C1orf116: variants seen among roughly 807,000 people sequenced by gnomAD.
C1orf116 encodes specifically androgen-regulated gene protein.
Under a neutral mutation model 14.1 loss-of-function variants are expected in C1orf116, and 12 were observed. The observed-to-expected ratio is 0.85, with a 90% CI of 0.54 to 1.38. C1orf116 has a LOEUF of 1.38. Ranked by LOEUF, C1orf116 falls within the 40% of genes most tolerant of loss-of-function variation. The pLI, the probability that C1orf116 is intolerant of heterozygous loss-of-function variation, is 0.00. For missense variants in C1orf116, 797 were observed against 747.0 expected (o/e 1.07, Z -0.78); for synonymous variants, 296 against 299.0 (o/e 0.99, Z 0.10).
intron 1 of C1orf116, among the ~76,000 whole-genome samples, chr1:207,028,331 TTAA>T (rs1353641306): frequency 6.6e-6 from 1 of 152,184 alleles, no homozygotes; most frequent in African/African-American, 2.4e-5. Flanking sequence ...AACAGGTCCC[TTAA>T]TAATACCTAC....
chr1:207,024,435 C>T (rs1558044722), intron 3 of C1orf116, among the ~76,000 whole-genome samples: 1 of 152,196 alleles, frequency 6.6e-6, no homozygotes, highest in Non-Finnish European at 1.5e-5. Flanking sequence ...CGCTCTCTAA[C>T]GAGGGCCTTG....
chr1:207,024,978 C>T lies in C1orf116; in HGVS notation c.192G>A (p.Glu64=). 2 of 1,613,906 alleles carry T rather than the reference C, an allele frequency of 1.2e-6. No individual in the cohort carries two copies. The highest frequency in any genetic ancestry group is 1.7e-6 in the Non-Finnish European group (2 of 1,179,976). ...CGTCAGTGGACAGTCCGCTGTCAGC[C>T]TCCGTGTCCAGTGAGCCAATGGTCT... The part of the protein sequence containing the change: ...LEETIGSLDT[E]ADSGLSTDES... Residue 64 remains glutamate, a synonymous_variant, in exon 3 of 4, where the codon GAG becomes GAA. Coordinates refer to ENST00000359470, the MANE Select transcript of C1orf116 (RefSeq NM_023938.6).
At position 207,025,011 on chromosome 1, in the gene C1orf116, G is replaced by C; in HGVS notation, c.159C>G (p.Phe53Leu). ...LSTEEKECLL[F>L]LEETIGSLDT... is the part of the protein sequence containing the mutation. ...CCAGTGAGCCAATGGTCTCCTCCAG[G>C]AAGAGCAGACACTCCTTCTCTTCAG... Residue 53 changes from phenylalanine to leucine, a missense_variant, in exon 3 of 4, where the codon TTC becomes TTG. Coordinates refer to ENST00000359470, the MANE Select transcript of C1orf116 (RefSeq NM_023938.6). 2 of 1,532,326 alleles carry C rather than the reference G, an allele frequency of 1.3e-6. No homozygotes were observed. Among genetic ancestry groups the C allele is most frequent in the Non-Finnish European group, 1.8e-6 (2 of 1,130,820 alleles). The allele number at this position is 1,532,326 out of a possible 1,614,324, so 94.9% of individuals were successfully genotyped here. A position where few individuals can be genotyped will look rare whatever the true frequency, so the allele number is the denominator to read the frequency against.
In C1orf116 at chr1:207,025,057, C is replaced by T; in HGVS notation, c.113G>A (p.Ser38Asn). The T allele has an allele frequency of 1.6e-6, 2 of 1,283,800 alleles. No individual in the cohort carries two copies. Among genetic ancestry groups the T allele is most frequent in the Non-Finnish European group, 2.1e-6 (2 of 956,284 alleles). The allele number at this position is 1,283,800 out of a possible 1,614,324, so 79.5% of individuals were successfully genotyped here. A position where few individuals can be genotyped will look rare whatever the true frequency, so the allele number is the denominator to read the frequency against. Residue 38 changes from serine to asparagine, a missense_variant, in exon 3 of 4, where the codon AGC becomes AAC. Physicochemically the swap from Ser to Asn is conservative, Grantham distance 46. Transcript: ENST00000359470. ...TTCAGTGGACAGGAAGTCGTAGCTG[C>T]TATCACTCTGTTGGGTTTGGGGTTG... ...STSTRSGSSD[S>N]SYDFLSTEEK...
In C1orf116 at chr1:207,023,295, T is replaced by A. The variant is rs774285455; in HGVS notation, c.469A>T (p.Asn157Tyr). 5 of 1,614,174 alleles carry A rather than the reference T, an allele frequency of 3.1e-6. No homozygotes were observed. The highest frequency in any genetic ancestry group is 1.6e-4 in the Middle Eastern group (1 of 6,062). The change falls in exon 4 of 4, where the codon AAC becomes TAC. Residue 157 changes from asparagine (N) to tyrosine (Y), a missense_variant. By Grantham distance (143) the Asn-to-Tyr change is moderately radical (BLOSUM62 -2). Coordinates refer to ENST00000359470, the MANE Select transcript of C1orf116 (RefSeq NM_023938.6). ...GCAAGCCTCCCCGGTTCTCCAGGGTTGTGACTGCTAGCCTGGGTGGTGCTT... is the reference window on the plus strand; with the variant it reads ...GCAAGCCTCCCCGGTTCTCCAGGGTAGTGACTGCTAGCCTGGGTGGTGCTT... ...RKSTTQASSHNPGEPGRLAPE... is the reference protein window; with the variant it reads ...RKSTTQASSHYPGEPGRLAPE...
In C1orf116 at chr1:207,021,993, C is replaced by A; in HGVS notation, c.1771G>T (p.Glu591Ter). The change falls in exon 4 of 4, where the codon GAG (glutamate) becomes TAG (stop). Residue 591 changes from glutamate (E) to a stop codon, truncating the protein, a stop_gained. Coordinates refer to ENST00000359470, the MANE Select transcript of C1orf116 (RefSeq NM_023938.6). LOFTEE classifies it high-confidence loss of function. ...AACAGTCCCAGCTTCTTCAGGGCCT[C>A]CCTTCTGTGTTCATTGGGGACACCC... ...PKGVPNEHRR[E>*]ALKKLGLLKE is the part of the protein sequence containing the mutation. 6.5e-7 allele frequency: 1 copy of A among 1,542,940 alleles called. No individual in the cohort carries two copies. The highest frequency in any genetic ancestry group is 2.0e-5 in the Admixed American group (1 of 48,832).
At position 207,022,887 on chromosome 1, in the gene C1orf116, G is replaced by C. The variant is rs1446659422; in HGVS notation, c.877C>G (p.Leu293Val). The C allele has an allele frequency of 1.9e-6, 3 of 1,614,100 alleles. No individual in the cohort carries two copies. Among genetic ancestry groups the C allele is most frequent in the Non-Finnish European group, 2.5e-6 (3 of 1,179,986 alleles). Residue 293 changes from leucine to valine, a missense_variant, in exon 4 of 4, where the codon CTC becomes GTC. Physicochemically the swap from Leu to Val is conservative, Grantham distance 32. Transcript: ENST00000359470. ...GEDPNSRLAP[L>V]TTPKPRKLPP... Reference sequence around the variant, plus strand: ...AGCTTCCGGGGCTTAGGGGTTGTGAGGGGAGCTAGTCGGCTGTTTGGGTCC... The same window carrying C: ...AGCTTCCGGGGCTTAGGGGTTGTGACGGGAGCTAGTCGGCTGTTTGGGTCC...
chr1:207,026,559 T>C (rs1682079078), intron 2 of C1orf116, among the ~76,000 whole-genome samples: 1 of 152,262 alleles, frequency 6.6e-6, no homozygotes, highest in Non-Finnish European at 1.5e-5. Flanking sequence ...GATTTGTGCA[T>C]GTGTGTTTCT....
intron 2 of C1orf116, among the ~76,000 whole-genome samples, chr1:207,025,834 G>A (rs1289117084): frequency 6.6e-6 from 1 of 152,232 alleles, no homozygotes; most frequent in Admixed American, 6.5e-5. Flanking sequence ...GATGGTATGG[G>A]AGGAGGGAAA....
At position 207,020,279 on chromosome 1, in the gene C1orf116, G is replaced by A. The variant is rs1009655079; in HGVS notation, c.*1679C>T. ...CACCCACACCTCACATACCATGACA[G>A]GGTGGAGTATTTGTTGTCCTTATGT... is the stretch of plus-strand genomic sequence containing the variant. On this transcript the variant is annotated 3_prime_UTR_variant, in exon 4 of 4. Coordinates refer to ENST00000359470, the MANE Select transcript of C1orf116 (RefSeq NM_023938.6). 1 of 152,208 alleles carries A rather than the reference G, an allele frequency of 6.6e-6. No individual in the cohort carries two copies. Among genetic ancestry groups the A allele is most frequent in the Admixed American group, 6.5e-5 (1 of 15,278 alleles). 9.4% of individuals were successfully genotyped at this position (152,208 alleles called of 1,614,324 possible). A position where few individuals can be genotyped will look rare whatever the true frequency, so the allele number is the denominator to read the frequency against.
At chr1:207,027,752 T>C in intron 1 of C1orf116, 73 bp from the exon 2 acceptor site, 2 of 1,425,226 alleles carry the variant, frequency 1.4e-6, no homozygotes, top group South Asian at 2.9e-5. Flanking sequence ...CTGGGCGGCA[T>C]GGCGGGAAGG....
chr1:207,023,520 AAGAGTGGAC>A, intron 3 of C1orf116, 40 bp from the exon 4 acceptor site: 1 of 1,549,114 alleles, frequency 6.5e-7, no homozygotes, highest in East Asian at 2.3e-5. Flanking sequence ...TGGACAGAAA[AAGAGTGGAC>A]AGAGGTGAGG....
At chr1:207,031,504 G>A (rs535543587) in intron 1 of C1orf116, among the ~76,000 whole-genome samples, 9 of 152,238 alleles carry the variant, frequency 5.9e-5, no homozygotes, top group South Asian at 2.1e-4. Flanking sequence ...TCAGGGCTGC[G>A]TGTGCCAGGC....
rs1352205130 is a variant in C1orf116, at chr1:207,021,942, G to A, written c.*16C>T. 2 of 1,517,312 alleles carry A rather than the reference G, an allele frequency of 1.3e-6. No homozygotes were observed. The highest frequency in any genetic ancestry group is 4.5e-5 in the East Asian group (2 of 44,044). The allele number at this position is 1,517,312 out of a possible 1,614,324, so 94.0% of individuals were successfully genotyped here. On this transcript the variant is annotated 3_prime_UTR_variant, in exon 4 of 4. Transcript: ENST00000359470. ...TTCTTGTTCAGCCAGGACAGGGTCT[G>A]TACTGGTCGCAGAGTCTACTCCTTC...
Position 207,027,515 on chromosome 1 carries a change from G to T in C1orf116, c.84C>A (p.Ser28Arg). The change falls in exon 2 of 4, where the codon AGC (serine) becomes AGA (arginine). Residue 28 changes from serine to arginine, a missense_variant. Physicochemically the swap from Ser to Arg is moderately radical, Grantham distance 110. Transcript: ENST00000359470. ...GTACAGATCCAGAGCGGGTGGAGGT[G>T]CTGCTCATCATGCTGTCACAGCTGC... ...RVGSCDSMMS[S>R]TSTRSGSSDS... The T allele has an allele frequency of 6.2e-7, 1 of 1,613,914 alleles. No individual in the cohort carries two copies.
chr1:207,021,989 G>A lies in C1orf116; in HGVS notation c.1775C>T (p.Ala592Val), dbSNP rs747346190. The change falls in exon 4 of 4, where the codon GCC becomes GTC. Residue 592 changes from alanine to valine, a missense_variant. Coordinates refer to ENST00000359470, the MANE Select transcript of C1orf116 (RefSeq NM_023938.6). ...KGVPNEHRRE[A>V]LKKLGLLKE ...CTTCAACAGTCCCAGCTTCTTCAGG[G>A]CCTCCCTTCTGTGTTCATTGGGGAC... The A allele has an allele frequency of 6.5e-7, 1 of 1,538,378 alleles. No individual in the cohort carries two copies. Among genetic ancestry groups the A allele is most frequent in the Non-Finnish European group, 8.7e-7 (1 of 1,146,016 alleles).
intron 1 of C1orf116, among the ~76,000 whole-genome samples, chr1:207,030,705 G>A (rs1682218163): frequency 6.6e-6 from 1 of 152,110 alleles, no homozygotes; most frequent in African/African-American, 2.4e-5. Context: ...GCTCTTTCAG[G>A]GCAGCCATCG....
Position 207,023,028 on chromosome 1 carries a change from C to T in C1orf116, c.736G>A (p.Ala246Thr), listed in dbSNP as rs751922275. 6.2e-7 allele frequency: 1 copy of T among 1,613,618 alleles called. No individual in the cohort carries two copies. The highest frequency in any genetic ancestry group is 1.1e-5 in the South Asian group (1 of 91,088). Residue 246 changes from alanine to threonine, a missense_variant, in exon 4 of 4, where the codon GCC (alanine) becomes ACC (threonine). Transcript: ENST00000359470. ...SQEREQTPSE[A>T]MSQKAKETVS... The stretch of plus-strand genomic sequence containing the variant: ...GTTTCCTTGGCTTTTTGGGACATGG[C>T]TTCTGAAGGAGTCTGCTCTCTTTCC...
At chr1:207,024,113 AC>A (rs1681980258) in intron 3 of C1orf116, among the ~76,000 whole-genome samples, 1 of 152,228 alleles carries the variant, frequency 6.6e-6, no homozygotes, top group Non-Finnish European at 1.5e-5. Flanking sequence ...GTGTCCCCAC[AC>A]CAGAAAGTGA....
Sources: gnomAD v4.1 joint callset for allele counts (sites outside exome capture counted in the v4.1 genomes callset) on GRCh38, gnomAD v4.1.1 for gene constraint, MANE v1.5 for transcripts, NCBI Gene and HGNC (gene_info 2026-07-23, HGNC 2026-07-21) for gene names.